ASTN1: variants seen among roughly 807,000 people sequenced by gnomAD.
ASTN1 encodes the protein astrotactin 1, also known as astrotactin-1.
A neutral mutation model predicts 140.7 loss-of-function variants in ASTN1; 41 were observed. The observed-to-expected ratio is 0.29, with a 90% CI of 0.23 to 0.38. ASTN1 has a LOEUF of 0.38. Ranked by LOEUF, ASTN1 falls within the 10% of genes least tolerant of loss-of-function variation. The probability of loss-of-function intolerance (pLI) is 1.00; values close to 1 mark genes in which losing one functional copy is unlikely to be tolerated. For missense variants in ASTN1, 1,479 were observed against 1,678.8 expected (o/e 0.88, Z 2.08); for synonymous variants, 640 against 652.2 (o/e 0.98, Z 0.29).
intron 1 of ASTN1, 44 bp downstream of exon 1, chr1:177,164,350 C>T (rs758335215): frequency 5.4e-6 from 8 of 1,473,404 alleles, no homozygotes; most frequent in Non-Finnish European, 6.3e-6. Context: ...GGTGGGGGCG[C>T]CGGTCCAGCG....
At chr1:176,921,504 T>C (rs1670721861) in intron 16 of ASTN1, among the ~76,000 whole-genome samples, 1 of 152,218 alleles carries the variant, frequency 6.6e-6, no homozygotes, top group Non-Finnish European at 1.5e-5. Flanking sequence ...CTACTCACTT[T>C]GTAAAAGAAA....
chr1:177,084,811 C>CTTTT (rs146725322), intron 1 of ASTN1, among the ~76,000 whole-genome samples: 9 of 149,932 alleles, frequency 6.0e-5, no homozygotes, highest in African/African-American at 2.2e-4. Context: ...TTACTGCCTT[C>CTTTT]TTTTTTTTTT....
downstream of ASTN1, chr1:176,857,487 C>A: frequency 2.4e-6 from 1 of 418,978 alleles, no homozygotes; most frequent in South Asian, 9.5e-5. Context: ...GGGCGCAGCT[C>A]CTGCTTTGAG....
chr1:177,058,511 G>A (rs1677919416), intron 2 of ASTN1, among the ~76,000 whole-genome samples: 1 of 152,156 alleles, frequency 6.6e-6, no homozygotes, highest in African/African-American at 2.4e-5. Context: ...TCAGAGATAA[G>A]TTTAAAGTTG....
chr1:176,980,284 G>C (rs1408781285), intron 8 of ASTN1, among the ~76,000 whole-genome samples: 1 of 152,166 alleles, frequency 6.6e-6, no homozygotes, highest in African/African-American at 2.4e-5. Flanking sequence ...GAGGGAGCCA[G>C]GTTCCCATTT....
intron 5 of ASTN1, among the ~76,000 whole-genome samples, chr1:177,025,377 C>T (rs1676053809): frequency 6.6e-6 from 1 of 152,108 alleles, no homozygotes; most frequent in South Asian, 2.1e-4. Flanking sequence ...AAGAAACACT[C>T]CTGGGGAGGT....
At position 176,987,907 on chromosome 1, in the gene ASTN1, A is replaced by G. The variant is rs899290732; in HGVS notation, c.1524-22670T>C. ...AAGAGGATTTGGCAACTAACAGGAT[A>G]TGTGTGAACTCTGGACAGAGGATAG... is the stretch of plus-strand genomic sequence containing the variant. On this transcript the variant is annotated intron_variant, in intron 8 of 22. Transcript: ENST00000361833. 9.8e-5 allele frequency among the ~76,000 whole-genome samples: 15 copies of G among 152,334 alleles called. No individual in the cohort carries two copies. The East Asian group carries it at 2.9e-3, about 29-fold the overall frequency.
At chr1:176,912,982 C>T (rs1029870672) in intron 16 of ASTN1, among the ~76,000 whole-genome samples, 8 of 152,172 alleles carry the variant, frequency 5.3e-5, no homozygotes, top group Non-Finnish European at 4.4e-5. Context: ...CAACTTCTCT[C>T]CACCATCCAT....
intron 1 of ASTN1, among the ~76,000 whole-genome samples, chr1:177,084,830 G>A (rs1679350278): frequency 6.7e-6 from 1 of 149,846 alleles, no homozygotes. Context: ...TTCATCAATT[G>A]TCCAACCCTT....
chr1:176,897,436 C>T (rs550039598), intron 16 of ASTN1, among the ~76,000 whole-genome samples: 44 of 152,204 alleles, frequency 2.9e-4, no homozygotes, highest in African/African-American at 1.0e-3. Context: ...TCTTACCCAC[C>T]TTCTAATTAT....
chr1:177,001,076 C>T (rs1674706244), intron 8 of ASTN1, among the ~76,000 whole-genome samples: 1 of 152,194 alleles, frequency 6.6e-6, no homozygotes, highest in Non-Finnish European at 1.5e-5. Context: ...AAACCACCCC[C>T]AGACTTGGTA....
chr1:177,015,458 C>T (rs1272515475), intron 7 of ASTN1, among the ~76,000 whole-genome samples: 1 of 152,210 alleles, frequency 6.6e-6, no homozygotes, highest in Non-Finnish European at 1.5e-5. Flanking sequence ...GCTCATAGAA[C>T]AACTACTATA....
chr1:176,936,574 A>G (rs991222052), intron 14 of ASTN1, among the ~76,000 whole-genome samples: 1 of 152,222 alleles, frequency 6.6e-6, no homozygotes, highest in African/African-American at 2.4e-5. Context: ...TTTGCTAAGC[A>G]CTTTGCATAC....
At chr1:177,072,899 C>T (rs1280988868) in intron 1 of ASTN1, among the ~76,000 whole-genome samples, 1 of 151,944 alleles carries the variant, frequency 6.6e-6, no homozygotes, top group Admixed American at 6.6e-5. Context: ...AGCACTGGCC[C>T]ATTAGTTTGA....
intron 8 of ASTN1, among the ~76,000 whole-genome samples, chr1:176,997,761 T>C (rs139502623): frequency 1.2e-4 from 18 of 152,244 alleles, no homozygotes; most frequent in African/African-American, 3.6e-4. Flanking sequence ...CTGGGACGAT[T>C]GCCACAATAG....
At chr1:176,973,590 C>G (rs1281124003) in intron 8 of ASTN1, among the ~76,000 whole-genome samples, 1 of 152,166 alleles carries the variant, frequency 6.6e-6, no homozygotes, top group Admixed American at 6.6e-5. Flanking sequence ...TTTCCTCGTT[C>G]ATTCACTCTC....
At chr1:176,920,508 T>A (rs576585959) in intron 16 of ASTN1, among the ~76,000 whole-genome samples, 2 of 152,322 alleles carry the variant, frequency 1.3e-5, no homozygotes, top group South Asian at 4.1e-4. Flanking sequence ...CCCCTTACAG[T>A]GCCTTTCGGG....
chr1:177,137,445 A>G (rs558520872), intron 1 of ASTN1, among the ~76,000 whole-genome samples: 1 of 152,358 alleles, frequency 6.6e-6, no homozygotes, highest in South Asian at 2.1e-4. Context: ...AAGGGTTATT[A>G]CAATAGGAAA....
At chr1:177,005,858 C>T (rs1429567277) in intron 8 of ASTN1, among the ~76,000 whole-genome samples, 1 of 152,202 alleles carries the variant, frequency 6.6e-6, no homozygotes, top group Non-Finnish European at 1.5e-5. Flanking sequence ...TTCCACTCGC[C>T]TTGACCTCCC....
Sources: allele counts gnomAD v4.1 joint callset (sites outside exome capture counted in the v4.1 genomes callset), GRCh38; gene constraint gnomAD v4.1.1; transcripts MANE v1.5; gene names NCBI Gene and HGNC (gene_info 2026-07-23, HGNC 2026-07-21).